Variants in CNST observed in about 807,000 individuals in gnomAD.
CNST encodes consortin.
Under a neutral mutation model 72.4 loss-of-function variants are expected in CNST, and 39 were observed. The observed-to-expected ratio is 0.54, with a 90% CI of 0.42 to 0.70. The LOEUF (loss-of-function observed/expected upper bound fraction) is 0.70. CNST is among the 30% of genes least tolerant of loss of function. CNST has a pLI of 0.00. For missense variants in CNST, 871 were observed against 868.5 expected (o/e 1.00, Z -0.04); for synonymous variants, 332 against 320.1 (o/e 1.04, Z -0.40).
chr1:246,567,891 C>T, intron 1 of CNST, among the ~76,000 whole-genome samples: 1 of 152,142 alleles, frequency 6.6e-6, no homozygotes, highest in Non-Finnish European at 1.5e-5. Flanking sequence ...CAGAAATACA[C>T]TTTTTTCCCC....
At chr1:246,654,577 T>C (rs1466447443) in intron 9 of CNST, among the ~76,000 whole-genome samples, 2 of 152,258 alleles carry the variant, frequency 1.3e-5, no homozygotes, top group Non-Finnish European at 2.9e-5. Flanking sequence ...TACTGTCTTC[T>C]ACATCAAACT....
chr1:246,634,430 A>G (rs1205856925), intron 5 of CNST, 43 bp from the exon 6 acceptor site: 1 of 1,186,714 alleles, frequency 8.4e-7, no homozygotes, highest in African/African-American at 1.5e-5. Context: ...GCTCCTAAAT[A>G]TGTTTTATAA....
intron 9 of CNST, among the ~76,000 whole-genome samples, chr1:246,655,993 A>C (rs1041182871): frequency 6.6e-6 from 1 of 152,258 alleles, no homozygotes; most frequent in Non-Finnish European, 1.5e-5. Context: ...AGTTAGGAAT[A>C]GTAGCAGTAA....
chr1:246,586,143 A>G (rs144103916), intron 1 of CNST, among the ~76,000 whole-genome samples: 4,226 of 102,848 alleles, frequency 0.041, 96 homozygotes, highest in African/African-American at 0.074. Flanking sequence ...GTGTGTGTGT[A>G]TATATTACTG....
At position 246,634,588 on chromosome 1, in the gene CNST, G is replaced by GT; in HGVS notation, c.818+2dup. On this transcript the variant is annotated splice_donor_variant, in intron 6 of 10. Coordinates refer to ENST00000366513, the MANE Select transcript of CNST (RefSeq NM_152609.3). LOFTEE classifies it high-confidence loss of function. ...CGAAAATTTGTGCAACACATCAAGA[G>GT]TAAGTATATCAGAATTTCGTTAGAA... 2 of 1,521,502 alleles carry GT rather than the reference G, an allele frequency of 1.3e-6. No homozygotes were observed. The highest frequency in any genetic ancestry group is 1.8e-6 in the Non-Finnish European group (2 of 1,110,116). The allele number at this position is 1,521,502 out of a possible 1,614,324, so 94.3% of individuals were successfully genotyped here.
At chr1:246,664,685 C>T (rs1024624611) in intron 10 of CNST, among the ~76,000 whole-genome samples, 1 of 152,024 alleles carries the variant, frequency 6.6e-6, no homozygotes, top group Non-Finnish European at 1.5e-5. Context: ...CTCAGCCTCC[C>T]AAAGTGCTGG....
chr1:246,640,215 T>A (rs1331004850), intron 6 of CNST, among the ~76,000 whole-genome samples: 1 of 152,238 alleles, frequency 6.6e-6, no homozygotes, highest in African/African-American at 2.4e-5. Flanking sequence ...ATATAACTTC[T>A]GATTTTGATC....
intron 1 of CNST, among the ~76,000 whole-genome samples, chr1:246,585,105 CT>C (rs1318989403): frequency 6.6e-6 from 1 of 152,096 alleles, no homozygotes; most frequent in Non-Finnish European, 1.5e-5. Context: ...TCAGGCTTGC[CT>C]TTTCTTCTGG....
At chr1:246,635,586 G>A (rs950755478) in intron 6 of CNST, among the ~76,000 whole-genome samples, 8 of 152,148 alleles carry the variant, frequency 5.3e-5, no homozygotes, top group East Asian at 3.8e-4. Flanking sequence ...ACCACAGACC[G>A]CACCCTCTTC....
Position 246,591,829 on chromosome 1 carries a change from C to G in CNST, c.267C>G (p.Asn89Lys). Reference protein sequence around the residue: ...CEVAAGENLQNTLCEASRDEQ... With the variant: ...CEVAAGENLQKTLCEASRDEQ... Reference sequence around the variant, plus strand: ...TGGCTGCAGGTGAGAACTTGCAAAACACCCTTTGTGAAGCCTCCAGAGATG... The same window carrying G: ...TGGCTGCAGGTGAGAACTTGCAAAAGACCCTTTGTGAAGCCTCCAGAGATG... Residue 89 changes from asparagine (N) to lysine (K), a missense_variant, in exon 2 of 11, where the codon AAC (asparagine) becomes AAG (lysine). Physicochemically the swap from Asn to Lys is moderately conservative, Grantham distance 94. Coordinates refer to ENST00000366513, the MANE Select transcript of CNST (RefSeq NM_152609.3). 6.2e-7 allele frequency: 1 copy of G among 1,613,976 alleles called. No homozygotes were observed. The highest frequency in any genetic ancestry group is 8.5e-7 in the Non-Finnish European group (1 of 1,179,974).
intron 3 of CNST, among the ~76,000 whole-genome samples, chr1:246,622,218 TA>T (rs1664139337): frequency 6.6e-6 from 1 of 152,198 alleles, no homozygotes; most frequent in Non-Finnish European, 1.5e-5. Context: ...GATAAGCATC[TA>T]CCAGGCACCA....
At chr1:246,659,981 T>C (rs755027912) in intron 9 of CNST, among the ~76,000 whole-genome samples, 2 of 152,174 alleles carry the variant, frequency 1.3e-5, no homozygotes, top group African/African-American at 2.4e-5. Context: ...GTTCAGGGGT[T>C]AAAAAAGGAA....
At position 246,666,002 on chromosome 1, in the gene CNST, CCT is replaced by C; in HGVS notation, c.*100_*101del. On this transcript the variant is annotated 3_prime_UTR_variant, in exon 11 of 11. Transcript: ENST00000366513. ...AGGAATTCTGTAGCATTCCCCCTTC[CCT>C]CTGTTAGGAACCAAGGACATCAGAA... 1.2e-6 allele frequency: 1 copy of C among 850,992 alleles called. No homozygotes were observed. The highest frequency in any genetic ancestry group is 1.8e-6 in the Non-Finnish European group (1 of 547,090). The allele number at this position is 850,992 out of a possible 1,614,324, so 52.7% of individuals were successfully genotyped here. A position where few individuals can be genotyped will look rare whatever the true frequency, so the allele number is the denominator to read the frequency against.
At chr1:246,653,197 C>T (rs1477171416) in intron 9 of CNST, among the ~76,000 whole-genome samples, 1 of 152,094 alleles carries the variant, frequency 6.6e-6, no homozygotes, top group Non-Finnish European at 1.5e-5. Context: ...CCTGGATTTG[C>T]CTTTAGAGAA....
At chr1:246,627,098 T>G (rs1664489822) in intron 3 of CNST, among the ~76,000 whole-genome samples, 1 of 152,228 alleles carries the variant, frequency 6.6e-6, no homozygotes, top group Non-Finnish European at 1.5e-5. Flanking sequence ...TTGCAATAAA[T>G]TTCTCACTAT....
chr1:246,664,911 T>A (rs1380599207), intron 10 of CNST, among the ~76,000 whole-genome samples: 1 of 152,232 alleles, frequency 6.6e-6, no homozygotes, highest in Non-Finnish European at 1.5e-5. Context: ...TTAAGATATT[T>A]TTCAACCAAA....
At chr1:246,620,633 T>A (rs1245198555) in intron 2 of CNST, among the ~76,000 whole-genome samples, 512 of 93,606 alleles carry the variant, frequency 5.5e-3, no homozygotes, top group Middle Eastern at 0.031. Flanking sequence ...CTGGGAACAC[T>A]CTACAGGGAG....
rs1667462707 is a variant in CNST, at chr1:246,668,240, C to A, written c.*2335C>A. On this transcript the variant is annotated 3_prime_UTR_variant, in exon 11 of 11. Coordinates refer to ENST00000366513, the MANE Select transcript of CNST (RefSeq NM_152609.3). ...CAGTTTTACTAAAATGTAATTTTTT[C>A]TGTCATTTGAAAGTACTGACAACTA... 1.3e-5 allele frequency: 2 copies of A among 152,204 alleles called. No homozygotes were observed. The highest frequency in any genetic ancestry group is 4.8e-5 in the African/African-American group (2 of 41,462). The allele number at this position is 152,204 out of a possible 1,614,324, so 9.4% of individuals were successfully genotyped here.
intron 2 of CNST, among the ~76,000 whole-genome samples, chr1:246,608,639 G>T (rs1360536859): frequency 6.6e-6 from 1 of 152,194 alleles, no homozygotes; most frequent in Non-Finnish European, 1.5e-5. Context: ...TGATCAACAG[G>T]ATTTAAGCCC....
Sources: gnomAD v4.1 joint callset for allele counts (sites outside exome capture counted in the v4.1 genomes callset) on GRCh38, gnomAD v4.1.1 for gene constraint, MANE v1.5 for transcripts, NCBI Gene and HGNC (gene_info 2026-07-23, HGNC 2026-07-21) for gene names.